Variants in CDC73 observed in about 807,000 individuals in gnomAD.
CDC73 encodes the protein parafibromin.
In CDC73, 21 loss-of-function variants were observed where a neutral mutation model predicts 83.7. The ratio of observed to expected loss-of-function variants is 0.25; its 90% CI spans 0.18 to 0.36. The LOEUF (loss-of-function observed/expected upper bound fraction) is 0.36, where lower values mean the gene tolerates loss of function less well. CDC73 is among the 10% of genes least tolerant of loss of function. The pLI is 1.00. For synonymous variants in CDC73, 224 were observed against 212.9 expected (o/e 1.05, Z -0.45); for missense variants, 342 against 653.3 (o/e 0.52, Z 5.19).
chr1:193,177,271 C>G (rs1396377113), intron 10 of CDC73, among the ~76,000 whole-genome samples: 1 of 148,414 alleles, frequency 6.7e-6, no homozygotes, highest in Admixed American at 6.9e-5. Context: ...AGCCTGTAAT[C>G]CCAGCACTTT....
chr1:193,131,496 C>T (rs540911859), intron 3 of CDC73, among the ~76,000 whole-genome samples: 35 of 152,184 alleles, frequency 2.3e-4, no homozygotes, highest in Middle Eastern at 6.8e-3. Flanking sequence ...ATAGAGTGTC[C>T]TGCTTTTGAA....
At chr1:193,144,232 A>G (rs972570241) in intron 7 of CDC73, among the ~76,000 whole-genome samples, 2 of 151,882 alleles carry the variant, frequency 1.3e-5, no homozygotes, top group East Asian at 1.9e-4. Context: ...TTAAACTTAC[A>G]TAAATTAGGT....
intron 10 of CDC73, among the ~76,000 whole-genome samples, chr1:193,190,165 A>G (rs767465103): frequency 2.0e-5 from 3 of 152,210 alleles, no homozygotes; most frequent in Non-Finnish European, 2.9e-5. Context: ...AAAAATCTTA[A>G]TGTTTTAGAT....
intron 5 of CDC73, chr1:193,136,460 G>A: frequency 3.7e-6 from 1 of 271,486 alleles, no homozygotes; most frequent in Non-Finnish European, 8.5e-6. Flanking sequence ...TCTATGCTAT[G>A]TGTTATTCTA....
intron 10 of CDC73, among the ~76,000 whole-genome samples, chr1:193,164,790 G>A (rs1046328940): frequency 6.6e-6 from 1 of 152,150 alleles, no homozygotes; most frequent in African/African-American, 2.4e-5. Context: ...TATTTCTTTA[G>A]ATGTATAGAT....
At chr1:193,164,075 A>G (rs913959834) in intron 10 of CDC73, among the ~76,000 whole-genome samples, 8 of 152,198 alleles carry the variant, frequency 5.3e-5, no homozygotes, top group Admixed American at 3.9e-4. Flanking sequence ...CCAGCCCAGT[A>G]TAGTAGATTT....
intron 10 of CDC73, among the ~76,000 whole-genome samples, chr1:193,202,667 G>A (rs550212393): frequency 4.1e-5 from 6 of 145,322 alleles, no homozygotes; most frequent in South Asian, 2.2e-4. Context: ...CTGCTCCTGC[G>A]GCTGTTGTTT....
chr1:193,127,289 A>AATG (rs1553277969), intron 2 of CDC73, among the ~76,000 whole-genome samples: 3 of 143,262 alleles, frequency 2.1e-5, no homozygotes, highest in East Asian at 4.1e-4. Flanking sequence ...AAAAAAAAAA[A>AATG]TGTGTGTGTG....
At chr1:193,229,957 T>C (rs1677632863) in intron 13 of CDC73, among the ~76,000 whole-genome samples, 1 of 152,154 alleles carries the variant, frequency 6.6e-6, no homozygotes, top group East Asian at 1.9e-4. Flanking sequence ...AGATGTTCTT[T>C]ATCTTGATTG....
At chr1:193,179,230 A>G (rs1376660938) in intron 10 of CDC73, 1 of 152,148 alleles carries the variant, frequency 6.6e-6, no homozygotes, top group African/African-American at 2.4e-5. Flanking sequence ...CAAACTTGGC[A>G]CTCCAAGAAA....
intron 10 of CDC73, among the ~76,000 whole-genome samples, chr1:193,195,069 T>G (rs1676979615): frequency 1.3e-5 from 2 of 151,998 alleles, no homozygotes; most frequent in African/African-American, 4.8e-5. Context: ...AGGTATGGAG[T>G]CTAAGAAGTC....
chr1:193,217,159 C>T (rs747295328), intron 13 of CDC73, among the ~76,000 whole-genome samples: 2 of 152,068 alleles, frequency 1.3e-5, no homozygotes, highest in Admixed American at 1.3e-4. Context: ...GCTGCTGAAA[C>T]CTCTAGGGGA....
intron 10 of CDC73, among the ~76,000 whole-genome samples, chr1:193,161,750 T>C (rs1389239448): frequency 2.9e-5 from 1 of 34,356 alleles, no homozygotes; most frequent in Non-Finnish European, 5.3e-5. Context: ...TATATCATAT[T>C]ATATTGTATA....
chr1:193,191,958 C>T (rs953533023), intron 10 of CDC73, among the ~76,000 whole-genome samples: 1 of 152,056 alleles, frequency 6.6e-6, no homozygotes, highest in African/African-American at 2.4e-5. Context: ...CCAGCATATT[C>T]TTGATATTTA....
chr1:193,122,507 G>C, intron 1 of CDC73, 176 bp downstream of exon 1: 1 of 750,698 alleles, frequency 1.3e-6, no homozygotes, highest in Non-Finnish European at 2.2e-6. Flanking sequence ...GGAAAGAAGG[G>C]GCGGAGCTCT....
chr1:193,252,817 A>G lies in CDC73; in HGVS notation c.*2105A>G. On this transcript the variant is annotated 3_prime_UTR_variant, in exon 17 of 17. Transcript: ENST00000367435. ...GACATGGTCCTATATAGCAGTACTT[A>G]ACACAGTGCCTTGCACATAGTAGGC... 1 of 231,964 alleles carries G rather than the reference A, an allele frequency of 4.3e-6. No individual in the cohort carries two copies. The highest frequency in any genetic ancestry group is 6.1e-5 in the East Asian group (1 of 16,368). 14.4% of individuals were successfully genotyped at this position (231,964 alleles called of 1,614,324 possible). A position where few individuals can be genotyped will look rare whatever the true frequency, so the allele number is the denominator to read the frequency against.
intron 7 of CDC73, among the ~76,000 whole-genome samples, chr1:193,144,082 C>T (rs1442312221): frequency 8.2e-6 from 1 of 121,806 alleles, no homozygotes; most frequent in African/African-American, 3.1e-5. Context: ...TGCACTCTAG[C>T]CTGGGTGACA....
chr1:193,165,105 G>A (rs1241570589), intron 10 of CDC73, among the ~76,000 whole-genome samples: 2 of 152,116 alleles, frequency 1.3e-5, no homozygotes, highest in African/African-American at 4.8e-5. Context: ...TGCCCAGGTT[G>A]GACTTGAACT....
intron 13 of CDC73, among the ~76,000 whole-genome samples, chr1:193,218,406 G>T (rs890911490): frequency 6.6e-6 from 1 of 152,064 alleles, no homozygotes; most frequent in African/African-American, 2.4e-5. Context: ...TCAGAAATTC[G>T]AACAAACTAT....
Sources: gnomAD v4.1 joint callset for allele counts (sites outside exome capture counted in the v4.1 genomes callset) on GRCh38, gnomAD v4.1.1 for gene constraint, MANE v1.5 for transcripts, NCBI Gene and HGNC (gene_info 2026-07-23, HGNC 2026-07-21) for gene names.